WDR64: variants seen among roughly 807,000 people sequenced by gnomAD.
WDR64 encodes WD repeat-containing protein 64.
In WDR64, 112 loss-of-function variants were observed where a neutral mutation model predicts 139.3. The observed-to-expected ratio is 0.80, with a 90% CI of 0.69 to 0.94. The LOEUF is 0.94. Among genes scored for constraint, WDR64 ranks in the 40% least tolerant of loss-of-function variants. The pLI is 0.00. For synonymous variants in WDR64, 444 were observed against 437.7 expected (o/e 1.01, Z -0.18); for missense variants, 1,206 against 1,293.1 (o/e 0.93, Z 1.03).
chr1:241,781,459 A>T (rs1227730209), intron 22 of WDR64, among the ~76,000 whole-genome samples: 1 of 152,200 alleles, frequency 6.6e-6, no homozygotes, highest in Non-Finnish European at 1.5e-5. Flanking sequence ...AACAAATACC[A>T]ATGCTTAAAC....
intron 1 of WDR64, among the ~76,000 whole-genome samples, chr1:241,653,752 C>G (rs1231553323): frequency 3.3e-5 from 5 of 151,974 alleles, no homozygotes; most frequent in Non-Finnish European, 7.4e-5. Flanking sequence ...ACCATGTTGG[C>G]CAGGCTGGTC....
chr1:241,664,839 C>G lies in WDR64; in HGVS notation c.276+4179C>G, dbSNP rs186487110. Among the ~76,000 whole-genome samples the G allele has an allele frequency of 3.9e-5, 6 of 152,202 alleles. No homozygotes were observed. In the East Asian group the frequency reaches 5.8e-4, roughly 15 times the overall value. On this transcript the variant is annotated intron_variant, in intron 2 of 27. Coordinates refer to ENST00000437684, the MANE Select transcript of WDR64 (RefSeq NM_001367482.1). The stretch of plus-strand genomic sequence containing the variant: ...GTTAATTGACTTATCTAAAGCTGGA[C>G]AGAAAGTCTGTTTTGGTCTTGGGAC...
rs1051324897 is a variant in WDR64 at position 241,802,184 on chromosome 1, G to A, written c.*969G>A. On this transcript the variant is annotated 3_prime_UTR_variant, in exon 28 of 28. Transcript: ENST00000437684. Reference sequence around the variant, plus strand: ...CAGAAGAATGACTAAACAAACTATGGTAGGGTAGGACAATGGAATCCTCAG... The same window carrying A: ...CAGAAGAATGACTAAACAAACTATGATAGGGTAGGACAATGGAATCCTCAG... The A allele has an allele frequency of 4.0e-5, 16 of 397,984 alleles. No individual in the cohort carries two copies. Among genetic ancestry groups the A allele is most frequent in the Non-Finnish European group, 5.8e-5 (13 of 225,848 alleles). The allele number at this position is 397,984 out of a possible 1,614,324, so 24.7% of individuals were successfully genotyped here.
Position 241,801,925 on chromosome 1 carries a change from A to C in WDR64, c.*710A>C. ...AAAGGTTGTCAGAATGGATTAAAAA[A>C]ACAAAATCCAACTATATGTTGTTTA... On this transcript the variant is annotated 3_prime_UTR_variant, in exon 28 of 28. Coordinates refer to ENST00000437684, the MANE Select transcript of WDR64 (RefSeq NM_001367482.1). 1 of 398,106 alleles carries C rather than the reference A, an allele frequency of 2.5e-6. No individual in the cohort carries two copies. Among genetic ancestry groups the C allele is most frequent in the Middle Eastern group, 6.3e-4 (1 of 1,582 alleles). 24.7% of individuals were successfully genotyped at this position (398,106 alleles called of 1,614,324 possible).
At position 241,771,945 on chromosome 1, in the gene WDR64, C is replaced by CATATAT. The variant is rs57383177; in HGVS notation, c.2290+287_2290+292dup. 6.3e-3 allele frequency among the ~76,000 whole-genome samples: 391 copies of CATATAT among 62,198 alleles called. 1 individual carries two copies. Among genetic ancestry groups the CATATAT allele is most frequent in the Middle Eastern group, 0.02 (2 of 100 alleles). 40.8% of individuals were successfully genotyped at this position (62,198 alleles called of 152,430 possible). A position where few individuals can be genotyped will look rare whatever the true frequency, so the allele number is the denominator to read the frequency against. On this transcript the variant is annotated intron_variant, in intron 19 of 27. Coordinates refer to ENST00000437684, the MANE Select transcript of WDR64 (RefSeq NM_001367482.1). The stretch of plus-strand genomic sequence containing the variant: ...ATACATACATATACATACATACATA[C>CATATAT]ATATATATATATATATATATATATA...
chr1:241,759,555 A>T (rs1011129524), intron 15 of WDR64, among the ~76,000 whole-genome samples: 8 of 152,132 alleles, frequency 5.3e-5, no homozygotes, highest in Non-Finnish European at 1.0e-4. Flanking sequence ...TGCTCTTTTT[A>T]AAAAATATAA....
chr1:241,744,216 T>C (rs895030641), intron 12 of WDR64, among the ~76,000 whole-genome samples, 177 bp from the exon 13 acceptor site: 4 of 152,208 alleles, frequency 2.6e-5, no homozygotes, highest in African/African-American at 4.8e-5. Context: ...AACTATTAAA[T>C]GCACTTTATC....
At chr1:241,702,538 A>G (rs972071373) in intron 8 of WDR64, among the ~76,000 whole-genome samples, 2 of 151,954 alleles carry the variant, frequency 1.3e-5, no homozygotes, top group African/African-American at 2.4e-5. Flanking sequence ...AAAAAAAGAA[A>G]GAACTTGAAT....
chr1:241,657,313 A>G (rs1472539463), intron 1 of WDR64, among the ~76,000 whole-genome samples: 1 of 152,106 alleles, frequency 6.6e-6, no homozygotes, highest in Non-Finnish European at 1.5e-5. Context: ...GCCTCCTAGC[A>G]GCAGCAAGTG....
At chr1:241,786,707 C>T (rs1232774093) in intron 23 of WDR64, among the ~76,000 whole-genome samples, 1 of 152,104 alleles carries the variant, frequency 6.6e-6, no homozygotes, top group Non-Finnish European at 1.5e-5. Context: ...GAAAAGTAGC[C>T]AGCTGAGATA....
chr1:241,680,925 G>T (rs1368010517), intron 6 of WDR64, among the ~76,000 whole-genome samples: 2 of 152,056 alleles, frequency 1.3e-5, no homozygotes, highest in Admixed American at 1.3e-4. Flanking sequence ...CAAAAACTGA[G>T]TCTACTATCA....
At chr1:241,693,520 A>G (rs1019907106) in intron 8 of WDR64, among the ~76,000 whole-genome samples, 1 of 152,192 alleles carries the variant, frequency 6.6e-6, no homozygotes, top group Non-Finnish European at 1.5e-5. Context: ...TACAACACCA[A>G]TTGTGAACCC....
chr1:241,739,986 T>C (rs1015944562), intron 11 of WDR64, among the ~76,000 whole-genome samples: 1 of 152,262 alleles, frequency 6.6e-6, no homozygotes, highest in African/African-American at 2.4e-5. Context: ...TTATCATTAT[T>C]ACTTTTATTA....
At chr1:241,677,795 T>C (rs1031095665) in intron 4 of WDR64, among the ~76,000 whole-genome samples, 6 of 152,248 alleles carry the variant, frequency 3.9e-5, no homozygotes, top group African/African-American at 1.4e-4. Context: ...CTATTAAATA[T>C]TGATCTATTT....
At position 241,678,169 on chromosome 1, in the gene WDR64, C is replaced by T. The variant is rs1449835001; in HGVS notation, c.484-18C>T. The T allele has an allele frequency of 7.5e-6, 3 of 398,740 alleles. No homozygotes were observed. In the Admixed American group the frequency reaches 1.3e-4, roughly 18 times the overall value. The allele number at this position is 398,740 out of a possible 1,614,324, so 24.7% of individuals were successfully genotyped here. A position where few individuals can be genotyped will look rare whatever the true frequency, so the allele number is the denominator to read the frequency against. Reference sequence around the variant, plus strand: ...GTAGTGCCAACTAGGTTTCATTATTCTCTTCCTTTGTTCATAGATGAGAGT... The same window carrying T: ...GTAGTGCCAACTAGGTTTCATTATTTTCTTCCTTTGTTCATAGATGAGAGT... On this transcript the variant is annotated intron_variant, in intron 4 of 27. Coordinates refer to ENST00000437684, the MANE Select transcript of WDR64 (RefSeq NM_001367482.1).
chr1:241,710,365 C>T (rs1016605813), intron 8 of WDR64, among the ~76,000 whole-genome samples: 20 of 152,146 alleles, frequency 1.3e-4, no homozygotes, highest in Non-Finnish European at 2.6e-4. Flanking sequence ...GTGATGGAGC[C>T]AGGATGGAAG....
chr1:241,667,488 A>C (rs1666065508), intron 2 of WDR64, among the ~76,000 whole-genome samples: 1 of 152,210 alleles, frequency 6.6e-6, no homozygotes, highest in South Asian at 2.1e-4. Context: ...TAACCTTAAT[A>C]TAAGAAAATT....
intron 21 of WDR64, among the ~76,000 whole-genome samples, chr1:241,777,463 G>A (rs1415092371): frequency 6.7e-6 from 1 of 149,158 alleles, no homozygotes; most frequent in Non-Finnish European, 1.5e-5. Context: ...TATTGCTCAG[G>A]TTGGAGTGCA....
At chr1:241,689,814 G>GT (rs1460853103) in intron 8 of WDR64, among the ~76,000 whole-genome samples, 2 of 152,138 alleles carry the variant, frequency 1.3e-5, no homozygotes, top group African/African-American at 4.8e-5. Context: ...ATAGAAATGA[G>GT]TAACGCCTTT....
Sources: allele counts gnomAD v4.1 joint callset (sites outside exome capture counted in the v4.1 genomes callset), GRCh38; gene constraint gnomAD v4.1.1; transcripts MANE v1.5; gene names NCBI Gene and HGNC (gene_info 2026-07-23, HGNC 2026-07-21).